Variants in HIPK2 observed in about 807,000 individuals in gnomAD.
HIPK2 encodes homeodomain interacting protein kinase 2, also known as homeodomain-interacting protein kinase 2.
HIPK2 carries 27 observed loss-of-function variants against 113.7 expected under a neutral mutation model. That is an observed-to-expected ratio of 0.24 (90% CI 0.17 to 0.33). The LOEUF is 0.33. Ranked by LOEUF, HIPK2 falls within the 10% of genes least tolerant of loss-of-function variation. HIPK2 has a pLI of 1.00. For missense variants in HIPK2, 1,257 were observed against 1,588.0 expected (o/e 0.79, Z 3.54); for synonymous variants, 631 against 642.2 (o/e 0.98, Z 0.26).
At chr7:139,667,650 A>G (rs575634457) in intron 2 of HIPK2, among the ~76,000 whole-genome samples, 1 of 152,368 alleles carries the variant, frequency 6.6e-6, no homozygotes, top group South Asian at 2.1e-4. Context: ...ACAACAACAA[A>G]GAATGAGCTG....
intron 2 of HIPK2, among the ~76,000 whole-genome samples, chr7:139,704,273 A>ACACACCCAACACACAC (rs1794821978): frequency 4.2e-5 from 5 of 118,842 alleles, no homozygotes; most frequent in Non-Finnish European, 8.6e-5. Flanking sequence ...TACCCAACAT[A>ACACACCCAACACACAC]CACACCCAAC....
At chr7:139,757,102 C>T (rs1319139221) in intron 1 of HIPK2, among the ~76,000 whole-genome samples, 1 of 152,158 alleles carries the variant, frequency 6.6e-6, no homozygotes, top group Admixed American at 6.5e-5. Flanking sequence ...AGCTAAAAAT[C>T]ATCCTCCTGA....
intron 1 of HIPK2, among the ~76,000 whole-genome samples, chr7:139,733,693 C>T (rs139530912): frequency 2.0e-5 from 3 of 152,268 alleles, no homozygotes; most frequent in East Asian, 1.9e-4. Flanking sequence ...TATCCTAATA[C>T]GTTGTCTTGC....
At position 139,668,133 on chromosome 7, in the gene HIPK2, A is replaced by C. The variant is rs1802119443; in HGVS notation, c.1104-36408T>G. Reference sequence around the variant, plus strand: ...AAGCGCAAAACTCCATCTCAAAAAAAAAAAAAAAAAGCAAGCAAGCAAGCA... The same window carrying C: ...AAGCGCAAAACTCCATCTCAAAAAACAAAAAAAAAAGCAAGCAAGCAAGCA... On this transcript the variant is annotated intron_variant, in intron 2 of 14. Transcript: ENST00000406875. Among the ~76,000 whole-genome samples the C allele has an allele frequency of 2.0e-5, 3 of 151,976 alleles. No individual in the cohort carries two copies. In the South Asian group the frequency reaches 6.2e-4, roughly 32 times the overall value.
At chr7:139,760,825 T>C (rs1456169778) in intron 1 of HIPK2, among the ~76,000 whole-genome samples, 1 of 152,184 alleles carries the variant, frequency 6.6e-6, no homozygotes, top group Non-Finnish European at 1.5e-5. Flanking sequence ...CCCAATACCC[T>C]GATTGTACTC....
At chr7:139,672,325 AT>A (rs1802331370) in intron 2 of HIPK2, among the ~76,000 whole-genome samples, 1 of 152,240 alleles carries the variant, frequency 6.6e-6, no homozygotes, top group Admixed American at 6.5e-5. Context: ...AATATCTTTC[AT>A]AGCGAGGACC....
intron 2 of HIPK2, among the ~76,000 whole-genome samples, chr7:139,702,514 G>T (rs1794740977): frequency 6.6e-6 from 1 of 152,152 alleles, no homozygotes; most frequent in Non-Finnish European, 1.5e-5. Context: ...CAGGACAAAG[G>T]AAGTTCTCTC....
chr7:139,655,511 C>T (rs921034635), intron 2 of HIPK2, among the ~76,000 whole-genome samples: 21 of 152,204 alleles, frequency 1.4e-4, no homozygotes, highest in Non-Finnish European at 2.4e-4. Context: ...TTCCGCTTAT[C>T]CGACGTGGCA....
At chr7:139,692,391 T>C (rs1794432841) in intron 2 of HIPK2, among the ~76,000 whole-genome samples, 1 of 152,138 alleles carries the variant, frequency 6.6e-6, no homozygotes, top group Non-Finnish European at 1.5e-5. Flanking sequence ...CCCGAGAGCC[T>C]GCTTAATGCC....
rs147322335 is a variant in HIPK2 at position 139,627,142 on chromosome 7, G to A, written c.1435-357C>T. On this transcript the variant is annotated intron_variant, in intron 5 of 14. Transcript: ENST00000406875. The stretch of plus-strand genomic sequence containing the variant: ...TAAAAATAACCACAAGATGAAAAGA[G>A]TTCTGGAGACTGGTTGCATAACAAT... Among the ~76,000 whole-genome samples, 9 of 152,306 alleles carry A rather than the reference G, an allele frequency of 5.9e-5. No individual in the cohort carries two copies. The East Asian group carries it at 1.7e-3, about 29-fold the overall frequency.
At chr7:139,765,854 G>A (rs1411210581) in intron 1 of HIPK2, among the ~76,000 whole-genome samples, 1 of 152,202 alleles carries the variant, frequency 6.6e-6, no homozygotes, top group Admixed American at 6.5e-5. Context: ...CAGATTTGAA[G>A]CATTATGGTT....
At chr7:139,612,363 T>C (rs1799864276) in intron 9 of HIPK2, among the ~76,000 whole-genome samples, 1 of 152,162 alleles carries the variant, frequency 6.6e-6, no homozygotes, top group Non-Finnish European at 1.5e-5. Flanking sequence ...TACTCAATAG[T>C]AGAAATGATT....
At chr7:139,745,903 G>T (rs1338063692) in intron 1 of HIPK2, among the ~76,000 whole-genome samples, 1 of 152,204 alleles carries the variant, frequency 6.6e-6, no homozygotes, top group Non-Finnish European at 1.5e-5. Context: ...GCAAGTAGCA[G>T]CCACGATTAT....
At chr7:139,580,175 T>A (rs1051592446) in intron 13 of HIPK2, among the ~76,000 whole-genome samples, 3 of 152,230 alleles carry the variant, frequency 2.0e-5, no homozygotes, top group African/African-American at 7.2e-5. Context: ...CAGACTGTGC[T>A]GGGCCCCGCT....
intron 1 of HIPK2, among the ~76,000 whole-genome samples, chr7:139,719,983 C>A (rs1050858464): frequency 5.9e-5 from 9 of 152,228 alleles, no homozygotes; most frequent in Middle Eastern, 3.2e-3. Flanking sequence ...TGGCTCCTTA[C>A]TGTCAAGGAG....
At chr7:139,645,587 C>T (rs551304503) in intron 2 of HIPK2, among the ~76,000 whole-genome samples, 2 of 152,354 alleles carry the variant, frequency 1.3e-5, no homozygotes, top group South Asian at 4.1e-4. Context: ...AAAGCCACTA[C>T]TCCTGGCCGA....
At chr7:139,688,854 T>C (rs1794311846) in intron 2 of HIPK2, among the ~76,000 whole-genome samples, 1 of 152,068 alleles carries the variant, frequency 6.6e-6, no homozygotes, top group Admixed American at 6.6e-5. Flanking sequence ...GCCACCAGTA[T>C]AGAACATGAT....
At chr7:139,660,200 T>C (rs899935622) in intron 2 of HIPK2, among the ~76,000 whole-genome samples, 9 of 151,974 alleles carry the variant, frequency 5.9e-5, no homozygotes, top group Non-Finnish European at 1.5e-5. Flanking sequence ...AAGGAAAGAG[T>C]AGGAAGTAGG....
At chr7:139,767,545 A>G (rs1796573794) in intron 1 of HIPK2, among the ~76,000 whole-genome samples, 1 of 152,238 alleles carries the variant, frequency 6.6e-6, no homozygotes, top group Non-Finnish European at 1.5e-5. Flanking sequence ...CATGGAAGTC[A>G]GTGGCTGAAA....
Sources: gnomAD v4.1 joint callset for allele counts (sites outside exome capture counted in the v4.1 genomes callset) on GRCh38, gnomAD v4.1.1 for gene constraint, MANE v1.5 for transcripts, NCBI Gene and HGNC (gene_info 2026-07-23, HGNC 2026-07-21) for gene names.